MGMT: variants seen among roughly 807,000 people sequenced by gnomAD.
The protein encoded by MGMT is methylated-DNA--protein-cysteine methyltransferase.
MGMT carries 14 observed loss-of-function variants against 15.9 expected under a neutral mutation model. That is an observed-to-expected ratio of 0.88 (90% confidence interval 0.58 to 1.37). The LOEUF is 1.37. Among genes scored for constraint, MGMT ranks in the 40% most tolerant of loss-of-function variants. MGMT has a pLI of 0.00. For missense variants in MGMT, 282 were observed against 268.1 expected, an observed-to-expected ratio of 1.05 and a Z score of -0.36; for synonymous variants, 130 against 118.2, an observed-to-expected ratio of 1.10 and a Z score of -0.65.
At chr10:129,468,064 C>T (rs1845189735) in intron 1 of MGMT, among the ~76,000 whole-genome samples, 1 of 107,324 alleles carries the variant, frequency 9.3e-6, no homozygotes, top group African/African-American at 4.8e-5. Context: ...CGGCTTGGTC[C>T]AGAGAGCTGT....
At chr10:129,680,228 A>T (rs1300505922) in intron 2 of MGMT, among the ~76,000 whole-genome samples, 8 of 152,160 alleles carry the variant, frequency 5.3e-5, no homozygotes, top group Admixed American at 2.6e-4. Context: ...AGGTTGGTGA[A>T]TTGTACAAGC....
intron 2 of MGMT, among the ~76,000 whole-genome samples, chr10:129,626,476 T>C (rs1564741260): frequency 6.6e-6 from 1 of 152,212 alleles, no homozygotes; most frequent in Non-Finnish European, 1.5e-5. Flanking sequence ...GAGGGAGGCC[T>C]GATGCCCTGG....
intron 2 of MGMT, among the ~76,000 whole-genome samples, chr10:129,634,421 T>C (rs1184692028): frequency 6.6e-6 from 1 of 152,202 alleles, no homozygotes; most frequent in African/African-American, 2.4e-5. Context: ...TTTCTTCAAA[T>C]ATATTTTTTT....
rs1589949237 is a variant in MGMT, at chr10:129,707,768, G to A, written c.126-127G>A. 3.9e-6 allele frequency: 5 copies of A among 1,279,660 alleles called. No individual in the cohort carries two copies. The East Asian group carries it at 1.2e-4, about 30-fold the overall frequency. The allele number at this position is 1,279,660 out of a possible 1,614,324, so 79.3% of individuals were successfully genotyped here. A position where few individuals can be genotyped will look rare whatever the true frequency, so the allele number is the denominator to read the frequency against. ...AGTCCCCCTTTCTGCTGCACAGCTA[G>A]TTGAGACGTGTGTGCCCATGAAGCA... On this transcript the variant is annotated intron_variant, in intron 2 of 4. Transcript: ENST00000651593.
intron 2 of MGMT, among the ~76,000 whole-genome samples, chr10:129,548,337 A>C (rs1171827577): frequency 6.6e-6 from 1 of 152,346 alleles, no homozygotes; most frequent in East Asian, 1.9e-4. Context: ...ACTGTTTATC[A>C]TTCTTCTGAA....
At chr10:129,523,263 C>T (rs1179018075) in intron 1 of MGMT, among the ~76,000 whole-genome samples, 1 of 152,258 alleles carries the variant, frequency 6.6e-6, no homozygotes, top group African/African-American at 2.4e-5. Flanking sequence ...TGAGCGCCAT[C>T]CTGGCCAGGC....
intron 2 of MGMT, among the ~76,000 whole-genome samples, chr10:129,616,246 G>A (rs762475938): frequency 1.3e-5 from 2 of 152,178 alleles, no homozygotes; most frequent in African/African-American, 2.4e-5. Context: ...CGCATGCCAC[G>A]GTGCTTAGGA....
chr10:129,535,660 T>G (rs932281397), intron 1 of MGMT, among the ~76,000 whole-genome samples: 8 of 152,222 alleles, frequency 5.3e-5, no homozygotes, highest in Admixed American at 2.0e-4. Flanking sequence ...GACTTGTACA[T>G]CTCTTTAAAT....
At chr10:129,470,681 GTAAC>G (rs1845220628) in intron 1 of MGMT, among the ~76,000 whole-genome samples, 1 of 152,176 alleles carries the variant, frequency 6.6e-6, no homozygotes, top group African/African-American at 2.4e-5. Flanking sequence ...CTCCAGCTAA[GTAAC>G]TGAATAGGCC....
At chr10:129,571,635 T>C (rs1846420632) in intron 2 of MGMT, among the ~76,000 whole-genome samples, 1 of 152,146 alleles carries the variant, frequency 6.6e-6, no homozygotes, top group South Asian at 2.1e-4. Flanking sequence ...AATGTTTCGA[T>C]CAATTTGTCT....
intron 2 of MGMT, among the ~76,000 whole-genome samples, chr10:129,622,472 G>T (rs1222459066): frequency 6.6e-6 from 1 of 152,154 alleles, no homozygotes; most frequent in African/African-American, 2.4e-5. Flanking sequence ...TAGTTTACAC[G>T]GTATTGAATC....
At chr10:129,606,433 A>G (rs1277598037) in intron 2 of MGMT, among the ~76,000 whole-genome samples, 2 of 152,174 alleles carry the variant, frequency 1.3e-5, no homozygotes, top group South Asian at 2.1e-4. Context: ...TTCCTGCCGT[A>G]TTAGGGAGCA....
intron 2 of MGMT, among the ~76,000 whole-genome samples, chr10:129,661,587 T>C (rs1160302041): frequency 6.6e-6 from 1 of 152,272 alleles, no homozygotes; most frequent in Non-Finnish European, 1.5e-5. Flanking sequence ...TTGTTTCTTT[T>C]AGTAACTCTG....
chr10:129,738,276 G>A lies in MGMT; in HGVS notation c.275-20926G>A, dbSNP rs368867271. On this transcript the variant is annotated intron_variant, in intron 3 of 4. Transcript: ENST00000651593. ...TCCTGGTGCGCCGTTTTTTAAGCCCGTCGGAAAAGGGCAGTATTCAGGTGG... is the reference window on the plus strand; with the variant it reads ...TCCTGGTGCGCCGTTTTTTAAGCCCATCGGAAAAGGGCAGTATTCAGGTGG... Among the ~76,000 whole-genome samples, 511 of 152,298 alleles carry A rather than the reference G, an allele frequency of 3.4e-3. 1 individual carries two copies. Among genetic ancestry groups the A allele is most frequent in the Middle Eastern group, 6.8e-3 (2 of 294 alleles).
At chr10:129,732,830 A>G (rs1316618621) in intron 3 of MGMT, among the ~76,000 whole-genome samples, 2 of 145,536 alleles carry the variant, frequency 1.4e-5, no homozygotes, top group African/African-American at 2.5e-5. Flanking sequence ...TTCTTGCGAT[A>G]GTTTACTGAG....
intron 3 of MGMT, among the ~76,000 whole-genome samples, chr10:129,716,324 G>A (rs1848296929): frequency 1.3e-5 from 2 of 152,090 alleles, no homozygotes; most frequent in Admixed American, 6.6e-5. Context: ...CTATGACAAC[G>A]ACTTTTTTTT....
chr10:129,677,317 A>G (rs1464661701), intron 2 of MGMT, among the ~76,000 whole-genome samples: 5 of 151,998 alleles, frequency 3.3e-5, no homozygotes, highest in Admixed American at 6.6e-5. Context: ...ATTTTATGTA[A>G]TACCATTTTA....
At position 129,556,218 on chromosome 10, in the gene MGMT, G is replaced by C. The variant is rs61561731; in HGVS notation, c.125+19841G>C. Among the ~76,000 whole-genome samples the C allele has an allele frequency of 6.6e-6, 1 of 152,052 alleles. No homozygotes were observed. Among genetic ancestry groups the C allele is most frequent in the Non-Finnish European group, 1.5e-5 (1 of 68,026 alleles). ...TCTGTTGGTCTCTGTGTAGCACGTG[G>C]CCCCCAAAATTTAGGTGTTGAAGTC... On this transcript the variant is annotated intron_variant, in intron 2 of 4. Coordinates refer to ENST00000651593, the MANE Select transcript of MGMT (RefSeq NM_002412.5). The surrounding 1 kb of genome is among the most constrained non-coding windows in gnomAD (Gnocchi z 4.3).
At chr10:129,639,774 G>A (rs1847305801) in intron 2 of MGMT, among the ~76,000 whole-genome samples, 1 of 151,906 alleles carries the variant, frequency 6.6e-6, no homozygotes, top group Non-Finnish European at 1.5e-5. Context: ...TAAGAAAACA[G>A]AAAAGTAAGA....
Sources: gnomAD v4.1 joint callset for allele counts (sites outside exome capture counted in the v4.1 genomes callset) on GRCh38, gnomAD v4.1.1 for gene constraint, Gnocchi (gnomAD v3.1) non-coding constraint, MANE v1.5 for transcripts, NCBI Gene and HGNC (gene_info 2026-07-23, HGNC 2026-07-21) for gene names.